The following CSMD1 variants were observed in gnomAD, a reference collection of about 807,000 sequenced individuals.
CSMD1 encodes CUB and sushi domain-containing protein 1.
Under a neutral mutation model 417.5 loss-of-function variants are expected in CSMD1, and 213 were observed. The observed-to-expected ratio is 0.51, with a 90% CI of 0.46 to 0.57. The LOEUF (loss-of-function observed/expected upper bound fraction) is 0.57, where lower values mean the gene tolerates loss of function less well. CSMD1 is among the 20% of genes least tolerant of loss of function. The pLI, the probability that CSMD1 is intolerant of heterozygous loss-of-function variation, is 0.00. For missense variants in CSMD1, 6,923 were observed against 4,529.7 expected (o/e 1.53, Z -15.17); for synonymous variants, 2,862 against 1,736.8 (o/e 1.65, Z -16.11).
intron 12 of CSMD1, among the ~76,000 whole-genome samples, chr8:3,450,049 C>G (rs182355899): frequency 3.4e-4 from 52 of 152,294 alleles, no homozygotes; most frequent in African/African-American, 1.1e-3. Flanking sequence ...CTCTCCTTCC[C>G]TGGTTGAGAC....
chr8:4,415,576 G>T (rs1485490296), intron 3 of CSMD1, among the ~76,000 whole-genome samples: 2 of 152,136 alleles, frequency 1.3e-5, no homozygotes, highest in African/African-American at 4.8e-5. Flanking sequence ...TTACACCAGT[G>T]TTCTGTTTGA....
At position 4,832,137 on chromosome 8, in the gene CSMD1, T is replaced by C. The variant is rs180869427; in HGVS notation, c.85+162195A>G. The stretch of plus-strand genomic sequence containing the variant: ...TTCACTGAACTGGCATGTATCTCTG[T>C]TTTCCTGGTATTTTAATTACACTCA... On this transcript the variant is annotated intron_variant, in intron 1 of 69. Coordinates refer to ENST00000635120, the MANE Select transcript of CSMD1 (RefSeq NM_033225.6). Among the ~76,000 whole-genome samples, 21 of 152,286 alleles carry C rather than the reference T, an allele frequency of 1.4e-4. 1 individual carries two copies. In the East Asian group the frequency reaches 2.9e-3, roughly 21 times the overall value.
chr8:4,662,821 T>C lies in CSMD1; in HGVS notation c.86-25263A>G, dbSNP rs929563193. ...CTCAGGTGACAAACGAGTGCCCACA[T>C]CATCAAAACATTGTGGCAGGACACT... is the stretch of plus-strand genomic sequence containing the variant. On this transcript the variant is annotated intron_variant, in intron 1 of 69. Transcript: ENST00000635120. 3.2e-4 allele frequency among the ~76,000 whole-genome samples: 49 copies of C among 152,246 alleles called. 1 individual carries two copies. The highest frequency in any genetic ancestry group is 2.0e-3 in the Admixed American group (30 of 15,300).
chr8:4,188,703 G>C (rs886703514), intron 3 of CSMD1, among the ~76,000 whole-genome samples: 1 of 152,006 alleles, frequency 6.6e-6, no homozygotes, highest in African/African-American at 2.4e-5. Context: ...AAGAGGAAGT[G>C]TAAATAAAAA....
At chr8:4,624,166 C>A (rs1460712076) in intron 2 of CSMD1, among the ~76,000 whole-genome samples, 1 of 152,072 alleles carries the variant, frequency 6.6e-6, no homozygotes, top group African/African-American at 2.4e-5. Flanking sequence ...TGCAGTAAAA[C>A]TTGGCAAATC....
chr8:3,344,436 C>T (rs34023857), intron 22 of CSMD1, among the ~76,000 whole-genome samples: 17,511 of 152,084 alleles, frequency 0.12, 1,384 homozygotes, highest in African/African-American at 0.23. Context: ...TTCCTGCACA[C>T]GTATCCCAGA....
chr8:2,989,475 C>A (rs563171803), intron 54 of CSMD1, among the ~76,000 whole-genome samples: 1 of 152,222 alleles, frequency 6.6e-6, no homozygotes, highest in African/African-American at 2.4e-5. Context: ...CCTCCATCCC[C>A]TGCTTCATCA....
At chr8:3,672,744 C>A (rs1369685947) in intron 7 of CSMD1, among the ~76,000 whole-genome samples, 2 of 152,112 alleles carry the variant, frequency 1.3e-5, no homozygotes, top group Non-Finnish European at 2.9e-5. Flanking sequence ...TGTATTTAAA[C>A]CAGGCAAATG....
intron 10 of CSMD1, among the ~76,000 whole-genome samples, chr8:3,509,622 C>A (rs1266796122): frequency 6.6e-6 from 1 of 152,118 alleles, no homozygotes; most frequent in African/African-American, 2.4e-5. Context: ...CAGATCTAAT[C>A]TGGGAAAGGG....
chr8:3,823,218 G>C (rs183463242), intron 5 of CSMD1, among the ~76,000 whole-genome samples: 9 of 152,200 alleles, frequency 5.9e-5, no homozygotes, highest in East Asian at 1.9e-4. Flanking sequence ...TGGGTTATTA[G>C]TTTAGGTCAA....
chr8:4,870,008 G>A (rs1003711262), intron 1 of CSMD1, among the ~76,000 whole-genome samples: 3 of 151,992 alleles, frequency 2.0e-5, no homozygotes, highest in Admixed American at 6.5e-5. Flanking sequence ...ACACATGTCC[G>A]TTTTTATGGA....
At chr8:3,703,988 A>C (rs774992446) in intron 7 of CSMD1, among the ~76,000 whole-genome samples, 2 of 152,116 alleles carry the variant, frequency 1.3e-5, no homozygotes, top group Non-Finnish European at 2.9e-5. Context: ...GGAGAATCAC[A>C]TGAACCCGGG....
chr8:4,521,331 T>C (rs1284688477), intron 2 of CSMD1, among the ~76,000 whole-genome samples: 1 of 152,088 alleles, frequency 6.6e-6, no homozygotes, highest in Admixed American at 6.6e-5. Context: ...AATGGGAAGA[T>C]GAGCTGGGAA....
At chr8:4,140,535 G>C (rs1463207061) in intron 3 of CSMD1, among the ~76,000 whole-genome samples, 4 of 150,936 alleles carry the variant, frequency 2.7e-5, no homozygotes, top group East Asian at 1.9e-4. Context: ...GAGTGTGGTG[G>C]TGTGCACCTG....
intron 1 of CSMD1, among the ~76,000 whole-genome samples, chr8:4,780,790 G>C (rs28441300): frequency 0.02 from 3,048 of 152,070 alleles, 105 homozygotes; most frequent in African/African-American, 0.07. Context: ...TCATAGCTTA[G>C]CTCCCCCGTC....
intron 41 of CSMD1, chr8:3,127,792 G>C (rs1459398379): frequency 1.3e-5 from 2 of 151,182 alleles, no homozygotes; most frequent in African/African-American, 2.4e-5. Flanking sequence ...TTATGCATTA[G>C]AATGCAGCAA....
chr8:4,616,979 T>G (rs536142615), intron 2 of CSMD1, among the ~76,000 whole-genome samples: 85 of 152,144 alleles, frequency 5.6e-4, no homozygotes, highest in Non-Finnish European at 9.1e-4. Flanking sequence ...TTTTTTTACC[T>G]AATAGATTCC....
intron 2 of CSMD1, among the ~76,000 whole-genome samples, chr8:4,459,294 G>A (rs1003299330): frequency 6.6e-6 from 1 of 152,190 alleles, no homozygotes; most frequent in African/African-American, 2.4e-5. Context: ...TGCACCAGAT[G>A]GCATATAAGG....
chr8:4,510,852 C>CTCCCT (rs1210013857), intron 2 of CSMD1, among the ~76,000 whole-genome samples: 2 of 142,508 alleles, frequency 1.4e-5, no homozygotes, highest in Non-Finnish European at 3.1e-5. Context: ...CTCCTCCCTC[C>CTCCCT]TCCCTTCCCT....
Sources: gnomAD v4.1 joint callset for allele counts (sites outside exome capture counted in the v4.1 genomes callset) on GRCh38, gnomAD v4.1.1 for gene constraint, MANE v1.5 for transcripts, NCBI Gene and HGNC (gene_info 2026-07-23, HGNC 2026-07-21) for gene names.